PLCB4: variants seen among roughly 807,000 people sequenced by gnomAD.
The protein encoded by PLCB4 is 1-phosphatidylinositol 4,5-bisphosphate phosphodiesterase beta-4.
PLCB4 carries 77 observed loss-of-function variants against 178.8 expected under a neutral mutation model. The observed-to-expected ratio is 0.43, with a 90% CI of 0.36 to 0.52. The LOEUF is 0.52. PLCB4 is among the 20% of genes least tolerant of loss of function. The probability of loss-of-function intolerance (pLI) is 0.00; values close to 1 mark genes in which losing one functional copy is unlikely to be tolerated. For missense variants in PLCB4, 1,024 were observed against 1,453.4 expected (o/e 0.70, Z 4.80); for synonymous variants, 496 against 490.8 (o/e 1.01, Z -0.14).
At chr20:9,416,798 G>C (rs1327971573) in intron 25 of PLCB4, among the ~76,000 whole-genome samples, 1 of 152,108 alleles carries the variant, frequency 6.6e-6, no homozygotes, top group Non-Finnish European at 1.5e-5. Context: ...TTGTGTAAAT[G>C]TCTATATTCT....
At chr20:9,263,416 G>C (rs1326114604) in intron 3 of PLCB4, among the ~76,000 whole-genome samples, 2 of 152,170 alleles carry the variant, frequency 1.3e-5, no homozygotes, top group African/African-American at 4.8e-5. Context: ...CTAGTCCCTT[G>C]CTATTGAAAG....
chr20:9,089,163 A>C (rs2146558585), intron 1 of PLCB4, among the ~76,000 whole-genome samples: 1 of 152,026 alleles, frequency 6.6e-6, no homozygotes, highest in African/African-American at 2.4e-5. Context: ...TAAAAGATTT[A>C]ATGTGATTTT....
At chr20:9,447,211 A>G (rs1340729433) in intron 32 of PLCB4, among the ~76,000 whole-genome samples, 1 of 152,182 alleles carries the variant, frequency 6.6e-6, no homozygotes, top group Non-Finnish European at 1.5e-5. Context: ...ACCACCCTAA[A>G]ATGTAGTGAC....
chr20:9,080,438 T>C (rs1490186868), intron 1 of PLCB4, among the ~76,000 whole-genome samples: 3 of 152,170 alleles, frequency 2.0e-5, no homozygotes, highest in South Asian at 2.1e-4. Flanking sequence ...GTTCTCAGAG[T>C]TGGTCACTCT....
At chr20:9,348,210 C>T (rs1369975808) in intron 7 of PLCB4, among the ~76,000 whole-genome samples, 1 of 152,066 alleles carries the variant, frequency 6.6e-6, no homozygotes, top group African/African-American at 2.4e-5. Context: ...TTCCTGTGGA[C>T]ATTAAAGGTT....
chr20:9,310,566 G>A (rs899439263), intron 4 of PLCB4, among the ~76,000 whole-genome samples: 12 of 151,544 alleles, frequency 7.9e-5, no homozygotes, highest in Non-Finnish European at 1.5e-4. Flanking sequence ...AAAAAAAATA[G>A]CCAGGTGTGG....
At chr20:9,303,640 T>C (rs1231410812) in intron 3 of PLCB4, among the ~76,000 whole-genome samples, 2 of 152,182 alleles carry the variant, frequency 1.3e-5, no homozygotes, top group Non-Finnish European at 2.9e-5. Context: ...TAGTGCTGCA[T>C]TGAACATGGG....
intron 2 of PLCB4, among the ~76,000 whole-genome samples, chr20:9,138,222 ATGT>A (rs1430495374): frequency 6.6e-6 from 1 of 152,032 alleles, no homozygotes; most frequent in Non-Finnish European, 1.5e-5. Context: ...TTTGGGAGAA[ATGT>A]TGGTGGCCTT....
intron 12 of PLCB4, among the ~76,000 whole-genome samples, chr20:9,379,067 A>C (rs1305405098): frequency 6.6e-6 from 1 of 152,172 alleles, no homozygotes; most frequent in African/African-American, 2.4e-5. Context: ...ATCTGTCATT[A>C]TTCCAAACTT....
chr20:9,300,741 G>T (rs2147823884), intron 3 of PLCB4, among the ~76,000 whole-genome samples: 1 of 152,204 alleles, frequency 6.6e-6, no homozygotes, highest in Non-Finnish European at 1.5e-5. Flanking sequence ...CATGTTGAAT[G>T]ACCATTCCCT....
chr20:9,228,876 T>A (rs1343687392), intron 3 of PLCB4, among the ~76,000 whole-genome samples: 1 of 152,110 alleles, frequency 6.6e-6, no homozygotes, highest in Non-Finnish European at 1.5e-5. Context: ...CTCCTAAAGC[T>A]GAGATGGAGA....
intron 36 of PLCB4, among the ~76,000 whole-genome samples, chr20:9,470,741 A>G (rs1021473526): frequency 6.6e-6 from 1 of 152,174 alleles, no homozygotes; most frequent in African/African-American, 2.4e-5. Flanking sequence ...AAAACTTTAC[A>G]TGTATACAAT....
chr20:9,088,524 T>G (rs1047830361), intron 1 of PLCB4, among the ~76,000 whole-genome samples: 3 of 152,210 alleles, frequency 2.0e-5, no homozygotes, highest in African/African-American at 7.2e-5. Context: ...CTCTGTAAGC[T>G]CCTACCTTCA....
At chr20:9,317,617 AG>A (rs2094913008) in intron 4 of PLCB4, among the ~76,000 whole-genome samples, 1 of 152,182 alleles carries the variant, frequency 6.6e-6, no homozygotes, top group East Asian at 1.9e-4. Flanking sequence ...GAAAAATGTG[AG>A]ATGCATCCAT....
chr20:9,240,787 T>C (rs907448416), intron 3 of PLCB4, among the ~76,000 whole-genome samples: 10 of 151,906 alleles, frequency 6.6e-5, no homozygotes, highest in African/African-American at 1.5e-4. Flanking sequence ...TTTCATTTGA[T>C]TGGGGGGTTG....
At chr20:9,120,001 A>G (rs143215789) in intron 2 of PLCB4, among the ~76,000 whole-genome samples, 1,751 of 152,294 alleles carry the variant, frequency 0.011, 39 homozygotes, top group African/African-American at 0.04. Context: ...GGTCGGACAC[A>G]TGACCTGGCA....
intron 2 of PLCB4, among the ~76,000 whole-genome samples, chr20:9,142,815 G>A (rs1281362619): frequency 2.6e-5 from 4 of 152,050 alleles, no homozygotes; most frequent in Non-Finnish European, 5.9e-5. Context: ...AGATCACGTT[G>A]CCCTGCTCCT....
intron 7 of PLCB4, among the ~76,000 whole-genome samples, chr20:9,347,326 A>G (rs773200327): frequency 3.3e-5 from 5 of 152,206 alleles, no homozygotes; most frequent in African/African-American, 4.8e-5. Context: ...TTTTTACATG[A>G]AATCTCTTGA....
intron 2 of PLCB4, among the ~76,000 whole-genome samples, chr20:9,201,939 A>G (rs139743543): frequency 3.9e-5 from 6 of 152,352 alleles, no homozygotes; most frequent in African/African-American, 1.2e-4. Flanking sequence ...ACTAGTGTTT[A>G]TGGTAGCTTC....
Sources: gnomAD v4.1 joint callset for allele counts (sites outside exome capture counted in the v4.1 genomes callset) on GRCh38, gnomAD v4.1.1 for gene constraint, MANE v1.5 for transcripts, NCBI Gene and HGNC (gene_info 2026-07-23, HGNC 2026-07-21) for gene names.